The following RNASE11 variants were observed in gnomAD, a reference collection of about 807,000 sequenced individuals.
RNASE11 encodes ribonuclease A family member 11 (inactive).
For missense variants in RNASE11, 252 were observed against 237.8 expected (o/e 1.06, Z -0.39); for synonymous variants, 105 against 86.1 (o/e 1.22, Z -1.21).
chr14:20,584,194 T>A (rs1441508764), exon 2 of RNASE11: 1 of 1,614,250 alleles, frequency 6.2e-7, no homozygotes, highest in Non-Finnish European at 8.5e-7. Flanking sequence ...ACACTCTTTG[T>A]CATTACCCGA....
intron 1 of RNASE11, among the ~76,000 whole-genome samples, chr14:20,587,033 G>C (rs1004131844): frequency 2.0e-5 from 3 of 152,178 alleles, no homozygotes; most frequent in African/African-American, 7.2e-5. Context: ...TATGCCTATA[G>C]TCCCAGCCAC....
At chr14:20,589,712 C>T (rs1884523134), upstream of RNASE11, among the ~76,000 whole-genome samples, 1 of 151,824 alleles carries the variant, frequency 6.6e-6, no homozygotes, top group African/African-American at 2.4e-5. Flanking sequence ...CATGGAGAAA[C>T]CTCATCTCTA....
chr14:20,583,871 G>A, exon 2 of RNASE11: 4 of 1,600,874 alleles, frequency 2.5e-6, no homozygotes, highest in South Asian at 1.1e-5. Context: ...AAGCTCTGTG[G>A]GATTTACAAC....
chr14:20,587,684 T>C, exon 1 of RNASE11: 3 of 985,198 alleles, frequency 3.0e-6, no homozygotes, highest in Non-Finnish European at 3.6e-6. Context: ...GAAACTCAGC[T>C]GAAAAACGGC....
chr14:20,584,048 G>A (rs112711544), exon 2 of RNASE11: 1 of 1,614,168 alleles, frequency 6.2e-7, no homozygotes, highest in East Asian at 2.2e-5. Context: ...CTTATGCCAG[G>A]ATTCTGTACA....
upstream of RNASE11, among the ~76,000 whole-genome samples, chr14:20,588,631 C>A (rs1382559145): frequency 6.6e-6 from 1 of 152,102 alleles, no homozygotes; most frequent in Non-Finnish European, 1.5e-5. Flanking sequence ...TAAAAAAGAC[C>A]CTAAGAGGTG....
At chr14:20,584,052 C>T (rs1334095885) in exon 2 of RNASE11, 9 of 1,614,210 alleles carry the variant, frequency 5.6e-6, no homozygotes, top group Non-Finnish European at 5.1e-6. Context: ...TGCCAGGATT[C>T]TGTACAAACT....
chr14:20,588,350 G>A (rs530605027), upstream of RNASE11: 1 of 152,276 alleles, frequency 6.6e-6, no homozygotes, highest in Admixed American at 6.5e-5. Context: ...CTGAATGTGG[G>A]GAAACTAAGC....
upstream of RNASE11, chr14:20,590,201 C>T (rs558724315): frequency 2.0e-5 from 31 of 1,545,256 alleles, no homozygotes; most frequent in South Asian, 8.8e-5. Context: ...CCCATGTCCA[C>T]GGTCCAGGTC....
chr14:20,584,105 A>G, exon 2 of RNASE11: 2 of 1,614,134 alleles, frequency 1.2e-6, no homozygotes, highest in Non-Finnish European at 1.7e-6. Flanking sequence ...ACTTCTGTGG[A>G]GCTGCGGATG....
upstream of RNASE11, among the ~76,000 whole-genome samples, chr14:20,589,377 C>T (rs552129754): frequency 6.6e-5 from 10 of 151,816 alleles, no homozygotes; most frequent in South Asian, 1.3e-3. Flanking sequence ...CCTCAGCCTC[C>T]GGAGTAGCTG....
At chr14:20,583,925 G>A (rs139653234) in exon 2 of RNASE11, 221 of 1,613,902 alleles carry the variant, frequency 1.4e-4, no homozygotes, top group Non-Finnish European at 1.8e-4. Context: ...TGACCTGTCA[G>A]CACTGTCAAT....
chr14:20,584,051 T>C, exon 2 of RNASE11: 1 of 1,614,194 alleles, frequency 6.2e-7, no homozygotes, highest in Admixed American at 1.7e-5. Context: ...ATGCCAGGAT[T>C]CTGTACAAAC....
At chr14:20,590,094 G>T (rs1026669806), upstream of RNASE11, 2 of 1,158,762 alleles carry the variant, frequency 1.7e-6, no homozygotes, top group East Asian at 2.6e-5. Context: ...ATTCAGTAAA[G>T]ATTATTTTAT....
chr14:20,583,079 A>G (rs559904424), downstream of RNASE11: 1 of 152,222 alleles, frequency 6.6e-6, no homozygotes, highest in Non-Finnish European at 1.5e-5. Flanking sequence ...GTAGTGAACA[A>G]AATTAACTAC....
At chr14:20,588,396 A>G (rs991292358), upstream of RNASE11, 1 of 152,208 alleles carries the variant, frequency 6.6e-6, no homozygotes, top group African/African-American at 2.4e-5. Context: ...AAGAGAAAAG[A>G]GTTAGTAGTC....
intron 1 of RNASE11, 51 bp from the exon 3 acceptor site, chr14:20,584,547 G>T: frequency 7.0e-7 from 1 of 1,435,070 alleles, no homozygotes; most frequent in Non-Finnish European, 9.2e-7. Flanking sequence ...TAAAGAGGTA[G>T]TTCTTTCTTC....
intron 1 of RNASE11, among the ~76,000 whole-genome samples, chr14:20,585,893 C>T (rs1162809243): frequency 1.3e-5 from 2 of 152,192 alleles, no homozygotes; most frequent in Non-Finnish European, 1.5e-5. Context: ...TTATTTCTCT[C>T]TCTTTAGAAT....
At chr14:20,584,139 T>A (rs1250336215) in exon 2 of RNASE11, 2 of 1,614,226 alleles carry the variant, frequency 1.2e-6, no homozygotes, top group Non-Finnish European at 1.7e-6. Context: ...ACTTGCACGA[T>A]CCGTTTGCTT....
Sources: allele counts gnomAD v4.1 joint callset (sites outside exome capture counted in the v4.1 genomes callset), GRCh38; gene constraint gnomAD v4.1.1; transcripts MANE v1.5; gene names NCBI Gene and HGNC (gene_info 2026-07-23, HGNC 2026-07-21).